TMC1: variants seen among roughly 807,000 people sequenced by gnomAD.
The protein encoded by TMC1 is transmembrane channel like 1.
A neutral mutation model predicts 105.8 loss-of-function variants in TMC1; 84 were observed. That is an observed-to-expected ratio of 0.79 (90% CI 0.67 to 0.95). The LOEUF (loss-of-function observed/expected upper bound fraction) is 0.95, where lower values mean the gene tolerates loss of function less well. Among genes scored for constraint, TMC1 ranks in the 40% least tolerant of loss-of-function variants. The probability of loss-of-function intolerance (pLI) is 0.00; values close to 1 mark genes in which losing one functional copy is unlikely to be tolerated. For missense variants in TMC1, 817 were observed against 914.1 expected (o/e 0.89, Z 1.37); for synonymous variants, 315 against 311.5 (o/e 1.01, Z -0.12).
chr9:72,649,317 C>A (rs1282166430), intron 5 of TMC1, among the ~76,000 whole-genome samples: 1 of 152,182 alleles, frequency 6.6e-6, no homozygotes, highest in African/African-American at 2.4e-5. Context: ...CTATTTTCAA[C>A]AACATTTCAG....
chr9:72,623,061 AAC>A (rs1491419254), intron 3 of TMC1, among the ~76,000 whole-genome samples: 1 of 150,868 alleles, frequency 6.6e-6, no homozygotes, highest in Admixed American at 6.6e-5. Context: ...CAAAAAAAAA[AAC>A]AAACAAAAGA....
At chr9:72,562,487 G>C (rs1186163777) in intron 1 of TMC1, among the ~76,000 whole-genome samples, 1 of 152,138 alleles carries the variant, frequency 6.6e-6, no homozygotes, top group African/African-American at 2.4e-5. Context: ...AAGTCTAAGT[G>C]AAAAGATTAT....
chr9:72,566,390 A>G (rs1262835658), intron 1 of TMC1, among the ~76,000 whole-genome samples: 1 of 150,508 alleles, frequency 6.6e-6, no homozygotes, highest in Non-Finnish European at 1.5e-5. Context: ...GTCAAGGGCT[A>G]TCCCTGCCTT....
At position 72,765,225 on chromosome 9, in the gene TMC1, A is replaced by G. The variant is rs993665843; in HGVS notation, c.742-7188A>G. On this transcript the variant is annotated intron_variant, in intron 12 of 23. Transcript: ENST00000297784. The stretch of plus-strand genomic sequence containing the variant: ...AAGAAAGATATGTTTGGGCTGGGCC[A>G]GCCCAGTTAATTCTTTCCCAGTTTA... Among the ~76,000 whole-genome samples the G allele has an allele frequency of 2.0e-5, 3 of 152,300 alleles. No homozygotes were observed. In the East Asian group the frequency reaches 5.8e-4, roughly 30 times the overall value.
intron 3 of TMC1, among the ~76,000 whole-genome samples, chr9:72,625,951 A>G (rs1490743624): frequency 3.3e-5 from 5 of 152,200 alleles, no homozygotes; most frequent in African/African-American, 1.2e-4. Flanking sequence ...ATGTCAGATC[A>G]GTTCTGGATA....
At chr9:72,755,038 A>AAG (rs1379638342) in intron 12 of TMC1, among the ~76,000 whole-genome samples, 154 bp downstream of exon 12, 12 of 137,574 alleles carry the variant, frequency 8.7e-5, no homozygotes, top group South Asian at 2.8e-4. Context: ...GAAAGAAAGA[A>AAG]AGAGAGAGAG....
intron 12 of TMC1, among the ~76,000 whole-genome samples, chr9:72,772,088 C>G (rs187574788): frequency 6.6e-6 from 1 of 152,128 alleles, no homozygotes; most frequent in South Asian, 2.1e-4. Flanking sequence ...CTCTTAAAAT[C>G]GTAAATCTAA....
chr9:72,523,053 C>T (rs985494283), intron 1 of TMC1, among the ~76,000 whole-genome samples: 4 of 152,172 alleles, frequency 2.6e-5, no homozygotes, highest in Admixed American at 6.5e-5. Flanking sequence ...CAGTTGAAAA[C>T]CACTGGGTTA....
intron 6 of TMC1, among the ~76,000 whole-genome samples, chr9:72,692,475 A>G (rs527436521): frequency 3.9e-5 from 6 of 152,310 alleles, no homozygotes; most frequent in Admixed American, 3.9e-4. Flanking sequence ...TCCACATTGT[A>G]GTTGAACTTT....
chr9:72,825,453 A>T (rs1009220879), intron 20 of TMC1, among the ~76,000 whole-genome samples: 6 of 152,024 alleles, frequency 3.9e-5, no homozygotes, highest in African/African-American at 1.5e-4. Context: ...AGATATCTGG[A>T]CTCCTTTCTT....
chr9:72,635,267 GAAAGA>G (rs1825514869), intron 4 of TMC1, among the ~76,000 whole-genome samples: 2 of 150,090 alleles, frequency 1.3e-5, no homozygotes, highest in African/African-American at 4.9e-5. Context: ...AAAAAAAAAA[GAAAGA>G]AAAGAAAAAG....
chr9:72,637,408 C>A (rs1825554758), intron 4 of TMC1, among the ~76,000 whole-genome samples: 1 of 151,946 alleles, frequency 6.6e-6, no homozygotes, highest in Non-Finnish European at 1.5e-5. Flanking sequence ...TGTTTCCATC[C>A]CCAGTCGGTG....
At chr9:72,555,097 T>G (rs1017188635) in intron 1 of TMC1, among the ~76,000 whole-genome samples, 9 of 152,122 alleles carry the variant, frequency 5.9e-5, no homozygotes, top group African/African-American at 1.9e-4. Flanking sequence ...CAGGGTAGTA[T>G]CAAATTTCTG....
intron 8 of TMC1, among the ~76,000 whole-genome samples, chr9:72,710,249 T>C (rs1347183679): frequency 6.6e-6 from 1 of 152,182 alleles, no homozygotes; most frequent in African/African-American, 2.4e-5. Context: ...TATTGAAACT[T>C]GTTTTCTGGC....
intron 8 of TMC1, among the ~76,000 whole-genome samples, chr9:72,713,505 G>C (rs1826868655): frequency 6.6e-6 from 1 of 152,126 alleles, no homozygotes; most frequent in African/African-American, 2.4e-5. Context: ...TTTTAGGAGG[G>C]TGTATGTGGC....
chr9:72,654,085 G>A (rs1159339930), intron 5 of TMC1, among the ~76,000 whole-genome samples: 2 of 152,186 alleles, frequency 1.3e-5, no homozygotes, highest in East Asian at 3.8e-4. Flanking sequence ...GAATAAAGCT[G>A]ATGTGAACAT....
chr9:72,622,980 T>A (rs1406916630), intron 3 of TMC1, among the ~76,000 whole-genome samples: 18 of 149,858 alleles, frequency 1.2e-4, no homozygotes, highest in Non-Finnish European at 2.5e-4. Flanking sequence ...TGAACCCGGG[T>A]GTCGGAGGTT....
intron 10 of TMC1, among the ~76,000 whole-genome samples, chr9:72,749,211 G>C (rs140297905): frequency 6.6e-6 from 1 of 152,146 alleles, no homozygotes; most frequent in African/African-American, 2.4e-5. Flanking sequence ...AGGATGGGCC[G>C]TGGCAATAAT....
In TMC1 at chr9:72,546,746, C is replaced by T. The variant is rs117950158; in HGVS notation, c.-428+24833C>T. On this transcript the variant is annotated intron_variant, in intron 1 of 23. Coordinates refer to ENST00000297784, the MANE Select transcript of TMC1 (RefSeq NM_138691.3). Reference sequence around the variant, plus strand: ...GAAGTTTGTGTCTGATTAAGTTCATCTAAGACTTCACTCCAGGAAAAAAGT... The same window carrying T: ...GAAGTTTGTGTCTGATTAAGTTCATTTAAGACTTCACTCCAGGAAAAAAGT... Among the ~76,000 whole-genome samples, 1,253 of 152,296 alleles carry T rather than the reference C, an allele frequency of 8.2e-3. 11 individuals are homozygous for T. Among genetic ancestry groups the T allele is most frequent in the Non-Finnish European group, 0.011 (723 of 68,022 alleles).
Sources: gnomAD v4.1 joint callset for allele counts (sites outside exome capture counted in the v4.1 genomes callset) on GRCh38, gnomAD v4.1.1 for gene constraint, MANE v1.5 for transcripts, NCBI Gene and HGNC (gene_info 2026-07-23, HGNC 2026-07-21) for gene names.